SLC44A5: variants seen among roughly 807,000 people sequenced by gnomAD.
SLC44A5 encodes the protein choline transporter-like protein 5.
Under a neutral mutation model 101.8 loss-of-function variants are expected in SLC44A5, and 57 were observed. That is an observed-to-expected ratio of 0.56 (90% CI 0.45 to 0.70). The LOEUF (loss-of-function observed/expected upper bound fraction) is 0.70. Among genes scored for constraint, SLC44A5 ranks in the 30% least tolerant of loss-of-function variants. The pLI is 0.00. For missense variants in SLC44A5, 737 were observed against 853.1 expected (o/e 0.86, Z 1.70); for synonymous variants, 281 against 290.9 (o/e 0.97, Z 0.35).
At chr1:75,663,413 A>C in the SLC44A5 span, among the ~76,000 whole-genome samples, 1 of 152,204 alleles carries the variant, frequency 6.6e-6, no homozygotes, top group South Asian at 2.1e-4. Flanking sequence ...TCAGATCTCC[A>C]GAACTGTGAA....
chr1:75,568,644 A>T (rs1481653532), intron 1 of SLC44A5, among the ~76,000 whole-genome samples: 1 of 151,984 alleles, frequency 6.6e-6, no homozygotes, highest in African/African-American at 2.4e-5. Context: ...CTTCTTCCAT[A>T]TTTCTCAAAG....
At chr1:75,573,558 T>C (rs1157443953) in intron 1 of SLC44A5, among the ~76,000 whole-genome samples, 1 of 152,186 alleles carries the variant, frequency 6.6e-6, no homozygotes, top group Non-Finnish European at 1.5e-5. Context: ...AAAATATTCC[T>C]TAGAGTGTCT....
chr1:75,517,143 T>C (rs1416042722), intron 2 of SLC44A5, among the ~76,000 whole-genome samples: 1 of 152,208 alleles, frequency 6.6e-6, no homozygotes, highest in African/African-American at 2.4e-5. Context: ...CAAGGATCAA[T>C]AGCTGCTCTG....
chr1:75,679,641 C>A, the SLC44A5 span, among the ~76,000 whole-genome samples: 1 of 151,974 alleles, frequency 6.6e-6, no homozygotes, highest in African/African-American at 2.4e-5. Flanking sequence ...ACAACTGGTA[C>A]CAGCCGCTGC....
At chr1:75,435,327 C>G (rs1174209089) in intron 2 of SLC44A5, among the ~76,000 whole-genome samples, 2 of 152,126 alleles carry the variant, frequency 1.3e-5, no homozygotes, top group African/African-American at 2.4e-5. Context: ...TAAATGCTAT[C>G]TGTGTGGTTT....
At chr1:75,516,385 C>T (rs1669834464) in intron 2 of SLC44A5, among the ~76,000 whole-genome samples, 1 of 152,104 alleles carries the variant, frequency 6.6e-6, no homozygotes, top group East Asian at 1.9e-4. Context: ...GTGGTGGTGG[C>T]GGGCGCCTGT....
chr1:75,628,668 G>C, the SLC44A5 span, among the ~76,000 whole-genome samples: 1 of 152,120 alleles, frequency 6.6e-6, no homozygotes, highest in African/African-American at 2.4e-5. Flanking sequence ...ACAAGAGAAA[G>C]GTTCATGTCA....
chr1:75,302,112 GTTTTTTTT>G (rs10684140), intron 4 of SLC44A5, among the ~76,000 whole-genome samples: 4 of 60,138 alleles, frequency 6.7e-5, no homozygotes, highest in South Asian at 8.3e-4. Flanking sequence ...TAGTTTTTTT[GTTTTTTTT>G]TTTTTTTTTT....
chr1:75,623,346 A>C, the SLC44A5 span, among the ~76,000 whole-genome samples: 1 of 152,096 alleles, frequency 6.6e-6, no homozygotes, highest in East Asian at 1.9e-4. Flanking sequence ...AACTAGGCAA[A>C]AAGTAGGGAA....
chr1:75,640,181 T>G, the SLC44A5 span, among the ~76,000 whole-genome samples: 5 of 152,112 alleles, frequency 3.3e-5, no homozygotes, highest in East Asian at 9.6e-4. Context: ...CTAACTCATG[T>G]GTTTGTAGTC....
At chr1:75,487,763 ACTAC>A (rs1668228491) in intron 2 of SLC44A5, among the ~76,000 whole-genome samples, 1 of 152,162 alleles carries the variant, frequency 6.6e-6, no homozygotes, top group Admixed American at 6.5e-5. Context: ...GAGATCGCCT[ACTAC>A]CCACCTAGGC....
At chr1:75,580,477 T>A (rs938458901) in intron 1 of SLC44A5, among the ~76,000 whole-genome samples, 2 of 152,066 alleles carry the variant, frequency 1.3e-5, no homozygotes, top group African/African-American at 2.4e-5. Context: ...TACAAACAAG[T>A]TTGTTAGCAG....
At chr1:75,411,546 G>A (rs1570188474) in intron 2 of SLC44A5, among the ~76,000 whole-genome samples, 1 of 152,052 alleles carries the variant, frequency 6.6e-6, no homozygotes, top group South Asian at 2.1e-4. Flanking sequence ...TGGAGATAGG[G>A]AAAGGAATAA....
chr1:75,260,326 A>G (rs1650382731), intron 6 of SLC44A5, among the ~76,000 whole-genome samples: 1 of 152,160 alleles, frequency 6.6e-6, no homozygotes, highest in Non-Finnish European at 1.5e-5. Context: ...AAAGGGATGG[A>G]GGAATATTTA....
chr1:75,311,116 C>CT (rs55858318), intron 4 of SLC44A5, among the ~76,000 whole-genome samples: 114 of 146,784 alleles, frequency 7.8e-4, no homozygotes, highest in South Asian at 8.6e-4. Flanking sequence ...AAAATAGCAT[C>CT]TTTTTTTTTT....
At chr1:75,623,156 G>A in the SLC44A5 span, among the ~76,000 whole-genome samples, 1 of 152,032 alleles carries the variant, frequency 6.6e-6, no homozygotes, top group Non-Finnish European at 1.5e-5. Flanking sequence ...AGTTTTACAA[G>A]GGAGATAGAA....
chr1:75,314,266 AAT>A (rs1655528635), intron 4 of SLC44A5, among the ~76,000 whole-genome samples: 1 of 152,122 alleles, frequency 6.6e-6, no homozygotes, highest in Non-Finnish European at 1.5e-5. Context: ...AGACTTAGAG[AAT>A]TTACCTCAAC....
intron 3 of SLC44A5, among the ~76,000 whole-genome samples, chr1:75,344,631 ACTGGCTATTT>A: frequency 6.6e-6 from 1 of 152,132 alleles, no homozygotes; most frequent in Non-Finnish European, 1.5e-5. Flanking sequence ...GAAAAACTCA[ACTGGCTATTT>A]CTGGCTTTAA....
chr1:75,297,882 A>C (rs1570605941), intron 5 of SLC44A5, among the ~76,000 whole-genome samples: 1 of 152,164 alleles, frequency 6.6e-6, no homozygotes, highest in East Asian at 1.9e-4. Context: ...CTGAAGTATT[A>C]CCCTAGCTGG....
Sources: gnomAD v4.1 joint callset for allele counts (sites outside exome capture counted in the v4.1 genomes callset) on GRCh38, gnomAD v4.1.1 for gene constraint, MANE v1.5 for transcripts, NCBI Gene and HGNC (gene_info 2026-07-23, HGNC 2026-07-21) for gene names.